ZSWIM5: variants seen among roughly 807,000 people sequenced by gnomAD.
ZSWIM5 encodes zinc finger SWIM domain-containing protein 5.
A neutral mutation model predicts 119.6 loss-of-function variants in ZSWIM5; 55 were observed. That is an observed-to-expected ratio of 0.46 (90% CI 0.37 to 0.58). The LOEUF is 0.58. Among genes scored for constraint, ZSWIM5 ranks in the 20% least tolerant of loss-of-function variants. ZSWIM5 has a pLI of 0.00. For missense variants in ZSWIM5, 1,193 were observed against 1,512.8 expected, an observed-to-expected ratio of 0.79 and a Z score of 3.51; for synonymous variants, 537 against 606.9, an observed-to-expected ratio of 0.88 and a Z score of 1.69.
At chr1:45,119,177 A>G (rs1352597561) in intron 1 of ZSWIM5, among the ~76,000 whole-genome samples, 1 of 152,186 alleles carries the variant, frequency 6.6e-6, no homozygotes, top group Non-Finnish European at 1.5e-5. Flanking sequence ...ATGATTTGAG[A>G]AAATCTTAAT....
At chr1:45,179,588 C>A (rs959458268) in intron 1 of ZSWIM5, among the ~76,000 whole-genome samples, 1 of 152,016 alleles carries the variant, frequency 6.6e-6, no homozygotes, top group Non-Finnish European at 1.5e-5. Context: ...TGTGCCCCCC[C>A]AATTCTAAAA....
chr1:45,164,057 GGGCA>G (rs1391959638), intron 1 of ZSWIM5, among the ~76,000 whole-genome samples: 1 of 152,156 alleles, frequency 6.6e-6, no homozygotes, highest in Non-Finnish European at 1.5e-5. Flanking sequence ...AAAATGTTGA[GGGCA>G]GCCAGAGAGA....
At chr1:45,166,313 T>C (rs1570171688) in intron 1 of ZSWIM5, among the ~76,000 whole-genome samples, 2 of 152,238 alleles carry the variant, frequency 1.3e-5, no homozygotes, top group Admixed American at 1.3e-4. Context: ...TGATGGGATG[T>C]ATCTCAAAAT....
chr1:45,183,684 C>T (rs1199914520), intron 1 of ZSWIM5, among the ~76,000 whole-genome samples: 2 of 152,086 alleles, frequency 1.3e-5, no homozygotes, highest in Non-Finnish European at 2.9e-5. Context: ...ATATACTCTC[C>T]CAAGACTAAA....
At chr1:45,195,238 T>C (rs1198489772) in intron 1 of ZSWIM5, among the ~76,000 whole-genome samples, 1 of 152,188 alleles carries the variant, frequency 6.6e-6, no homozygotes, top group Non-Finnish European at 1.5e-5. Context: ...TTAAAGTTTT[T>C]GTTTTTTTGT....
chr1:45,148,828 T>A (rs939950300), intron 1 of ZSWIM5, among the ~76,000 whole-genome samples: 2 of 152,256 alleles, frequency 1.3e-5, no homozygotes, highest in African/African-American at 4.8e-5. Context: ...GAACCCTTTA[T>A]AATATACCAA....
intron 1 of ZSWIM5, among the ~76,000 whole-genome samples, chr1:45,142,321 A>G (rs1266094467): frequency 6.6e-6 from 1 of 152,200 alleles, no homozygotes; most frequent in Non-Finnish European, 1.5e-5. Context: ...ACATTCACCA[A>G]AGATTAAACA....
chr1:45,072,951 A>C lies in ZSWIM5; in HGVS notation c.953-12704T>G, dbSNP rs1645232661. ...AAACAATTTTAGAATTGTGTTTTCT[A>C]TTTCTGTGAAGAATGTCATTGGTAT... On this transcript the variant is annotated intron_variant, in intron 2 of 13. Coordinates refer to ENST00000359600, the MANE Select transcript of ZSWIM5 (RefSeq NM_020883.2). The surrounding 1 kb of genome is among the most constrained non-coding windows in gnomAD (Gnocchi z 4.1). 6.6e-6 allele frequency among the ~76,000 whole-genome samples: 1 copy of C among 151,974 alleles called. No individual in the cohort carries two copies. Among genetic ancestry groups the C allele is most frequent in the South Asian group, 2.1e-4 (1 of 4,836 alleles).
chr1:45,115,172 C>T (rs1050703723), intron 1 of ZSWIM5, among the ~76,000 whole-genome samples: 7 of 152,236 alleles, frequency 4.6e-5, no homozygotes, highest in East Asian at 3.9e-4. Context: ...ACCTCCCAGA[C>T]GGGGTGGCCG....
chr1:45,056,815 A>G (rs1645126638), intron 4 of ZSWIM5, among the ~76,000 whole-genome samples: 1 of 152,188 alleles, frequency 6.6e-6, no homozygotes. Flanking sequence ...ATAGAGGAGA[A>G]GGCAAACCAT....
rs759051012 is a variant in ZSWIM5, at chr1:45,205,961, CGCGGCGCCGCCAGCAGCGCCGGCG to C, written c.366_389del (p.Ala123_Ala130del). The C allele has an allele frequency of 1.5e-6, 2 of 1,338,172 alleles. No homozygotes were observed. Among genetic ancestry groups the C allele is most frequent in the South Asian group, 4.2e-5 (2 of 47,494 alleles). The allele number at this position is 1,338,172 out of a possible 1,614,324, so 82.9% of individuals were successfully genotyped here. A position where few individuals can be genotyped will look rare whatever the true frequency, so the allele number is the denominator to read the frequency against. On this transcript the variant is annotated inframe_deletion, in exon 1 of 14. Transcript: ENST00000359600. ...GCCCCTCCTCGGCCGGCGAAGCCCC[CGCGGCGCCGCCAGCAGCGCCGGCG>C]CCGGGGCCGCCCCGGTACTGGAAGC... is the stretch of plus-strand genomic sequence containing the variant.
At chr1:45,038,034 T>C (rs1339924538) in intron 8 of ZSWIM5, among the ~76,000 whole-genome samples, 4 of 152,206 alleles carry the variant, frequency 2.6e-5, no homozygotes, top group African/African-American at 9.7e-5. Context: ...GAGAGAACTA[T>C]TTGTAAATAA....
At chr1:45,153,693 G>A (rs186348601) in intron 1 of ZSWIM5, among the ~76,000 whole-genome samples, 1 of 152,196 alleles carries the variant, frequency 6.6e-6, no homozygotes, top group East Asian at 1.9e-4. Flanking sequence ...ACTGGATAAA[G>A]AAAATGTGGT....
Position 45,206,335 on chromosome 1 carries a change from C to G in ZSWIM5, c.16G>C (p.Glu6Gln). 6.7e-7 allele frequency: 1 copy of G among 1,483,668 alleles called. No homozygotes were observed. The highest frequency in any genetic ancestry group is 9.0e-7 in the Non-Finnish European group (1 of 1,116,416). 91.9% of individuals were successfully genotyped at this position (1,483,668 alleles called of 1,614,324 possible). ...GACGGCGAGAGCAGCTCCTCTCGCT[C>G]ACCTCCGTCCGCCATTGCTGGGGAC... MADGG[E>Q]REELLSPSPV... The change falls in exon 1 of 14, where the codon GAG becomes CAG. Residue 6 changes from glutamate (E) to glutamine (Q), a missense_variant. Glu to Gln is a conservative substitution (Grantham distance 29, BLOSUM62 2). Transcript: ENST00000359600.
At chr1:45,160,064 C>T (rs948151401) in intron 1 of ZSWIM5, among the ~76,000 whole-genome samples, 2 of 152,138 alleles carry the variant, frequency 1.3e-5, no homozygotes, top group African/African-American at 4.8e-5. Context: ...AACAAATGCT[C>T]TTTAAGGGTC....
chr1:45,145,270 A>G (rs1054827106), intron 1 of ZSWIM5, among the ~76,000 whole-genome samples: 1 of 151,806 alleles, frequency 6.6e-6, no homozygotes, highest in African/African-American at 2.4e-5. Flanking sequence ...TAAGTTAAAT[A>G]TACACTTACT....
At chr1:45,132,498 G>A (rs1407587091) in intron 1 of ZSWIM5, among the ~76,000 whole-genome samples, 1 of 152,056 alleles carries the variant, frequency 6.6e-6, no homozygotes, top group Non-Finnish European at 1.5e-5. Context: ...TAAAAACAAG[G>A]ATATAGCTAC....
intron 2 of ZSWIM5, among the ~76,000 whole-genome samples, chr1:45,079,863 C>G (rs940473411): frequency 2.3e-4 from 35 of 152,150 alleles, no homozygotes; most frequent in African/African-American, 8.4e-4. Flanking sequence ...CTAGTTTCTT[C>G]CCTTCAAAGG....
chr1:45,135,003 G>T (rs1028436166), intron 1 of ZSWIM5, among the ~76,000 whole-genome samples: 10 of 152,194 alleles, frequency 6.6e-5, no homozygotes, highest in South Asian at 4.1e-4. Context: ...TTTGGGTTGT[G>T]TCCACCTCTT....
Sources: allele counts gnomAD v4.1 joint callset (sites outside exome capture counted in the v4.1 genomes callset), GRCh38; gene constraint gnomAD v4.1.1; non-coding constraint Gnocchi (gnomAD v3.1); transcripts MANE v1.5; gene names NCBI Gene and HGNC (gene_info 2026-07-23, HGNC 2026-07-21).